Variants in KIAA1191 observed in about 807,000 individuals in gnomAD.
The protein encoded by KIAA1191 is KIAA1191.
A neutral mutation model predicts 31.1 loss-of-function variants in KIAA1191; 22 were observed. The observed-to-expected ratio is 0.71, with a 90% CI of 0.51 to 1.01. The LOEUF (loss-of-function observed/expected upper bound fraction) is 1.01, where lower values mean the gene tolerates loss of function less well. Ranked by LOEUF, KIAA1191 falls within the 50% of genes least tolerant of loss-of-function variation. KIAA1191 has a pLI of 0.00. For synonymous variants in KIAA1191, 130 were observed against 143.9 expected (o/e 0.90, Z 0.69); for missense variants, 319 against 388.0 (o/e 0.82, Z 1.49).
chr5:176,348,265 G>C lies in KIAA1191; in HGVS notation c.551C>G (p.Pro184Arg). The change falls in exon 7 of 9, where the codon CCT becomes CGT. Residue 184 changes from proline (P) to arginine (R), a missense_variant. Coordinates refer to ENST00000298569, the MANE Select transcript of KIAA1191 (RefSeq NM_020444.5). ...AAGGGCTCACCTGGGCCTCTGCTTA[G>C]GTGAAGAGTGCGGAGTGGTGCTTGG... Reference protein sequence around the residue: ...STPSTTPHSSPKQRPRGWFTS... With the variant: ...STPSTTPHSSRKQRPRGWFTS... The C allele has an allele frequency of 6.2e-7, 1 of 1,613,846 alleles. No homozygotes were observed. Among genetic ancestry groups the C allele is most frequent in the African/African-American group, 1.3e-5 (1 of 74,962 alleles).
At chr5:176,351,301 A>C (rs1002164816) in intron 5 of KIAA1191, among the ~76,000 whole-genome samples, 3 of 151,586 alleles carry the variant, frequency 2.0e-5, no homozygotes, top group Admixed American at 1.3e-4. Context: ...AGATCGTGCC[A>C]CTGCACTCCA....
In KIAA1191 at chr5:176,355,695, C is replaced by T. The variant is rs761248941; in HGVS notation, c.83G>A (p.Arg28His). 44 of 1,613,604 alleles carry T rather than the reference C, an allele frequency of 2.7e-5. No individual in the cohort carries two copies. Among genetic ancestry groups the T allele is most frequent in the South Asian group, 2.2e-4 (20 of 91,062 alleles). ...GKMSLPIGIY[R>H]RAVSYDDTLE... ...GGTATCATCATAGCTGACTGCCCGG[C>T]GGTATATCCCGATGGGCAGGGACAT... The change falls in exon 4 of 9, where the codon CGC becomes CAC. Residue 28 changes from arginine (R) to histidine (H), a missense_variant. Arg to His is a conservative substitution (Grantham distance 29). Coordinates refer to ENST00000298569, the MANE Select transcript of KIAA1191 (RefSeq NM_020444.5). The surrounding 1 kb of genome is among the most constrained non-coding windows in gnomAD (Gnocchi z 4.2).
At chr5:176,348,200 A>G in intron 7 of KIAA1191, 50 bp downstream of exon 7, 1 of 1,598,938 alleles carries the variant, frequency 6.3e-7, no homozygotes. Flanking sequence ...CTGCCACACT[A>G]GCTTTCCTGA....
intron 6 of KIAA1191, chr5:176,348,957 G>C (rs1321377641): frequency 6.5e-6 from 1 of 152,894 alleles, no homozygotes; most frequent in Non-Finnish European, 1.5e-5. Flanking sequence ...TCTAGAGCAA[G>C]GTTCCCATGC....
At chr5:176,358,576 C>A (rs1009522558) in intron 3 of KIAA1191, among the ~76,000 whole-genome samples, 1 of 151,960 alleles carries the variant, frequency 6.6e-6, no homozygotes, top group African/African-American at 2.4e-5. Context: ...ATTAGCCGGG[C>A]GTGGTGGCAG....
chr5:176,359,430 A>T (rs1373245470), intron 3 of KIAA1191, 51 bp downstream of exon 3: 1 of 1,571,862 alleles, frequency 6.4e-7, no homozygotes, highest in Non-Finnish European at 8.8e-7. Flanking sequence ...TGTCTAGCTT[A>T]AAACATTAAT....
chr5:176,360,583 T>C (rs1374908647), intron 1 of KIAA1191, among the ~76,000 whole-genome samples: 3 of 151,872 alleles, frequency 2.0e-5, no homozygotes, highest in Non-Finnish European at 2.9e-5. Context: ...GGCAGATCAC[T>C]TGAGGTCAGG....
chr5:176,352,737 T>C lies in KIAA1191; in HGVS notation c.219A>G (p.Gly73=). The change falls in exon 5 of 9, where the codon GGA becomes GGG. Residue 73 remains glycine (G), a synonymous_variant. Coordinates refer to ENST00000298569, the MANE Select transcript of KIAA1191 (RefSeq NM_020444.5). Reference sequence around the variant, plus strand: ...TGGCAGGGGAGGGTAGACTGGCCTCTCCTTCCTCCACCTGTTCAAGAGAGG... The same window carrying C: ...TGGCAGGGGAGGGTAGACTGGCCTCCCCTTCCTCCACCTGTTCAAGAGAGG... ...KYQHLAKVEE[G]EASLPSPAMT... is the part of the protein sequence containing the mutation. The C allele has an allele frequency of 6.2e-7, 1 of 1,613,646 alleles. No homozygotes were observed. The highest frequency in any genetic ancestry group is 8.5e-7 in the Non-Finnish European group (1 of 1,179,722).
chr5:176,356,041 A>G, intron 3 of KIAA1191: 1 of 341,980 alleles, frequency 2.9e-6, no homozygotes. Flanking sequence ...CGGCACGATC[A>G]CGGCTCACTG....
At chr5:176,353,550 T>C (rs962780697) in intron 4 of KIAA1191, 1 of 152,208 alleles carries the variant, frequency 6.6e-6, no homozygotes, top group African/African-American at 2.4e-5. Flanking sequence ...GTTGTATCCT[T>C]ACTACAAAAC....
chr5:176,355,006 C>G lies in KIAA1191; in HGVS notation c.207+565G>C, dbSNP rs919867999. Among the ~76,000 whole-genome samples, 2 of 152,092 alleles carry G rather than the reference C, an allele frequency of 1.3e-5. No individual in the cohort carries two copies. Among genetic ancestry groups the G allele is most frequent in the African/African-American group, 4.8e-5 (2 of 41,392 alleles). On this transcript the variant is annotated intron_variant, in intron 4 of 8. Transcript: ENST00000298569. This position sits in a 1 kb window ranked among gnomAD's most constrained non-coding sequence, Gnocchi z 4.2. The stretch of plus-strand genomic sequence containing the variant: ...AGGACAGGATGTGGATGGCAAACAT[C>G]CTAAACAATCAGGGCAGTGTGAGCC...
In KIAA1191 at chr5:176,347,668, T is replaced by C. The variant is rs778156865; in HGVS notation, c.850A>G (p.Lys284Glu). ...KMDIPVMEGKKQPPRAHNLKP... is the reference protein window; with the variant it reads ...KMDIPVMEGKEQPPRAHNLKP... ...AGGTTATGGGCCCGTGGTGGCTGTT[T>C]CTTTCCTTCCATCACTGGGATGTCC... The change falls in exon 9 of 9, where the codon AAA becomes GAA. Residue 284 changes from lysine (K) to glutamate (E), a missense_variant. Physicochemically the swap from Lys to Glu is moderately conservative, Grantham distance 56. Coordinates refer to ENST00000298569, the MANE Select transcript of KIAA1191 (RefSeq NM_020444.5). 25 of 1,578,972 alleles carry C rather than the reference T, an allele frequency of 1.6e-5. No homozygotes were observed. The Admixed American group carries it at 4.4e-4, about 28-fold the overall frequency.
chr5:176,355,337 A>G lies in KIAA1191; in HGVS notation c.207+234T>C, dbSNP rs1476805099. ...AAAGCCCAGACTTCACCACTATACA[A>G]TTCATCCATGCGAACAACACCTCGG... On this transcript the variant is annotated intron_variant, in intron 4 of 8. Coordinates refer to ENST00000298569, the MANE Select transcript of KIAA1191 (RefSeq NM_020444.5). This position sits in a 1 kb window ranked among gnomAD's most constrained non-coding sequence, Gnocchi z 4.2. 1.3e-5 allele frequency among the ~76,000 whole-genome samples: 2 copies of G among 152,036 alleles called. No homozygotes were observed. The highest frequency in any genetic ancestry group is 2.4e-5 in the African/African-American group (1 of 41,398).
At chr5:176,356,952 G>A (rs1314224728) in intron 3 of KIAA1191, among the ~76,000 whole-genome samples, 1 of 152,174 alleles carries the variant, frequency 6.6e-6, no homozygotes, top group Non-Finnish European at 1.5e-5. Context: ...GGGAGTGGGT[G>A]GGGGGAGTGA....
intron 6 of KIAA1191, among the ~76,000 whole-genome samples, chr5:176,350,237 T>C (rs1766867007): frequency 6.6e-6 from 1 of 152,232 alleles, no homozygotes. Context: ...CTTACCAAAA[T>C]TCTTCACTTA....
chr5:176,350,625 G>T lies in KIAA1191; in HGVS notation c.447C>A (p.Ala149=). Residue 149 remains alanine (A), a synonymous_variant, in exon 6 of 9, where the codon GCC becomes GCA. Transcript: ENST00000298569. ...CCTAAGAGCTTACGTGGAGTGCTTC[G>T]GCCACTCGAAGGTACTTGGTCTCCT... ...TTEETKYLRV[A]EALHKLKLQS... The T allele has an allele frequency of 6.2e-7, 1 of 1,613,738 alleles. No homozygotes were observed. Among genetic ancestry groups the T allele is most frequent in the Non-Finnish European group, 8.5e-7 (1 of 1,179,990 alleles).
intron 3 of KIAA1191, among the ~76,000 whole-genome samples, chr5:176,358,517 A>G (rs1201358167): frequency 6.7e-6 from 1 of 149,514 alleles, no homozygotes; most frequent in East Asian, 2.0e-4. Context: ...GGAGTTTGAG[A>G]CCAGCCTGGC....
At chr5:176,352,541 A>G in intron 5 of KIAA1191, 81 bp downstream of exon 5, 3 of 1,508,316 alleles carry the variant, frequency 2.0e-6, no homozygotes, top group Admixed American at 3.7e-5. Flanking sequence ...GTGTTGCAGT[A>G]TCATCTCCAA....
Position 176,355,645 on chromosome 5 carries a change from G to C in KIAA1191, c.133C>G (p.Pro45Ala). 2.5e-6 allele frequency: 4 copies of C among 1,612,998 alleles called. No homozygotes were observed. The South Asian group carries it at 4.4e-5, about 18-fold the overall frequency. The change falls in exon 4 of 9, where the codon CCT (proline) becomes GCT (alanine). Residue 45 changes from proline to alanine, a missense_variant. Physicochemically the swap from Pro to Ala is conservative, Grantham distance 27. Transcript: ENST00000298569. This position sits in a 1 kb window ranked among gnomAD's most constrained non-coding sequence, Gnocchi z 4.2. ...ACGCTGCCCATGTCCGATGGAGGAGGAGTCATGGGCGCAGGGTCCTCGAGG... is the reference window on the plus strand; with the variant it reads ...ACGCTGCCCATGTCCGATGGAGGAGCAGTCATGGGCGCAGGGTCCTCGAGG... ...DTLEDPAPMT[P>A]PPSDMGSVPW...
Sources: gnomAD v4.1 joint callset for allele counts (sites outside exome capture counted in the v4.1 genomes callset) on GRCh38, gnomAD v4.1.1 for gene constraint, Gnocchi (gnomAD v3.1) non-coding constraint, MANE v1.5 for transcripts, NCBI Gene and HGNC (gene_info 2026-07-23, HGNC 2026-07-21) for gene names.